Variants in PKHD1 observed in about 807,000 individuals in gnomAD.
PKHD1 encodes PKHD1 ciliary IPT domain containing fibrocystin/polyductin, also known as fibrocystin.
In PKHD1, 291 loss-of-function variants were observed where a neutral mutation model predicts 412.0. The observed-to-expected ratio is 0.71, with a 90% confidence interval of 0.64 to 0.78. The LOEUF (loss-of-function observed/expected upper bound fraction) is 0.78, where lower values mean the gene tolerates loss of function less well. PKHD1 is among the 30% of genes least tolerant of loss of function. The pLI is 0.00. For missense variants in PKHD1, 4,825 were observed against 4,950.7 expected (o/e 0.97, Z 0.76); for synonymous variants, 1,777 against 1,821.5 (o/e 0.98, Z 0.62).
At chr6:51,750,460 T>C (rs983961474) in intron 57 of PKHD1, among the ~76,000 whole-genome samples, 1 of 152,160 alleles carries the variant, frequency 6.6e-6, no homozygotes, top group African/African-American at 2.4e-5. Context: ...GTATTATTGT[T>C]ATTTCCTAGG....
Position 52,025,828 on chromosome 6 carries a change from C to T in PKHD1, c.3982G>A (p.Val1328Ile). 1 of 1,614,210 alleles carries T rather than the reference C, an allele frequency of 6.2e-7. No homozygotes were observed. Among genetic ancestry groups the T allele is most frequent in the South Asian group, 1.1e-5 (1 of 91,088 alleles). The stretch of plus-strand genomic sequence containing the variant: ...CAGTTCAGGTTCCCCAGAAGGATGA[C>T]TGAGTTGGAGAGGTTACTTCCTCCC... ...HVGGSNLSNS[V>I]ILLGNLNCDV... The change falls in exon 32 of 67, where the codon GTC (valine) becomes ATC (isoleucine). Residue 1328 changes from valine to isoleucine, a missense_variant. Transcript: ENST00000371117.
intron 60 of PKHD1, among the ~76,000 whole-genome samples, chr6:51,701,248 T>C (rs1779369979): frequency 6.6e-6 from 1 of 152,142 alleles, no homozygotes; most frequent in South Asian, 2.1e-4. Flanking sequence ...TGAGTATCAC[T>C]GGTAATGCCA....
At chr6:51,951,631 A>G (rs1185037510) in intron 36 of PKHD1, among the ~76,000 whole-genome samples, 6 of 152,224 alleles carry the variant, frequency 3.9e-5, no homozygotes, top group Non-Finnish European at 8.8e-5. Flanking sequence ...TTTAAAAATG[A>G]GAATACAGTA....
chr6:52,050,440 A>T, intron 21 of PKHD1, 145 bp from the exon 22 acceptor site: 1 of 843,260 alleles, frequency 1.2e-6, no homozygotes, highest in Non-Finnish European at 2.0e-6. Flanking sequence ...CATAAAGAAC[A>T]CATGGAGAGG....
intron 52 of PKHD1, among the ~76,000 whole-genome samples, chr6:51,810,712 C>T (rs1764562367): frequency 6.6e-6 from 1 of 152,104 alleles, no homozygotes; most frequent in Non-Finnish European, 1.5e-5. Flanking sequence ...ATTTAAGAAG[C>T]CCTTACTCAG....
chr6:51,674,291 C>T (rs578244407), intron 60 of PKHD1, among the ~76,000 whole-genome samples: 52 of 152,186 alleles, frequency 3.4e-4, no homozygotes, highest in South Asian at 1.2e-3. Context: ...CACAGACTAA[C>T]GAGTGTGGTG....
chr6:51,750,375 G>A (rs973423696), intron 57 of PKHD1, among the ~76,000 whole-genome samples: 2 of 152,144 alleles, frequency 1.3e-5, no homozygotes, highest in African/African-American at 4.8e-5. Flanking sequence ...CCAAATGCAA[G>A]CATAAGTCCA....
At chr6:51,674,011 G>C (rs1302108619) in intron 60 of PKHD1, among the ~76,000 whole-genome samples, 1 of 152,186 alleles carries the variant, frequency 6.6e-6, no homozygotes, top group African/African-American at 2.4e-5. Context: ...AGAGATGGTA[G>C]ATAGAGAGTG....
intron 46 of PKHD1, among the ~76,000 whole-genome samples, chr6:51,881,702 T>C (rs941675713): frequency 1.3e-5 from 2 of 152,208 alleles, no homozygotes; most frequent in African/African-American, 4.8e-5. Context: ...TAAACTGCCA[T>C]TCAAGTTTCC....
At chr6:51,894,085 T>A (rs1391795620) in intron 43 of PKHD1, among the ~76,000 whole-genome samples, 1 of 152,160 alleles carries the variant, frequency 6.6e-6, no homozygotes, top group Non-Finnish European at 1.5e-5. Flanking sequence ...TCACACAGGT[T>A]ATGTCTTCTG....
In PKHD1 at chr6:51,906,295, C is replaced by A. The variant is rs1487665643; in HGVS notation, c.6728G>T (p.Gly2243Val). ...GCTVRNSFSRGLSMCGTLGLK... is the reference protein window; with the variant it reads ...GCTVRNSFSRVLSMCGTLGLK... Reference sequence around the variant, plus strand: ...GCCCAAGGTCCCGCACATGCTGAGGCCTCTACTGAAGGAGTTCCTCACTGT... The same window carrying A: ...GCCCAAGGTCCCGCACATGCTGAGGACTCTACTGAAGGAGTTCCTCACTGT... Residue 2243 changes from glycine (G) to valine (V), a missense_variant, in exon 41 of 67, where the codon GGC becomes GTC. By Grantham distance (109) the Gly-to-Val change is moderately radical. Transcript: ENST00000371117. 1 of 1,609,068 alleles carries A rather than the reference C, an allele frequency of 6.2e-7. No homozygotes were observed. Among genetic ancestry groups the A allele is most frequent in the South Asian group, 1.1e-5 (1 of 90,974 alleles).
chr6:51,747,682 T>C, intron 58 of PKHD1, 105 bp downstream of exon 58: 1 of 986,878 alleles, frequency 1.0e-6, no homozygotes, highest in Non-Finnish European at 1.6e-6. Context: ...CAGCAAGCAC[T>C]AGACCACAAT....
chr6:52,066,088 T>TG lies in PKHD1; in HGVS notation c.779-12_779-11insC. The TG allele has an allele frequency of 2.1e-6, 2 of 959,066 alleles. No individual in the cohort carries two copies. The highest frequency in any genetic ancestry group is 1.4e-5 in the South Asian group (1 of 72,196). The allele number at this position is 959,066 out of a possible 1,614,324, so 59.4% of individuals were successfully genotyped here. On this transcript the variant is annotated splice_polypyrimidine_tract_variant and intron_variant, in intron 11 of 66. Coordinates refer to ENST00000371117, the MANE Select transcript of PKHD1 (RefSeq NM_138694.4). ...ACACAGATAATATTTCTGCAAGAGT[T>TG]AAAAAAAAAAAAAAGTAAGCTTCCA... is the stretch of plus-strand genomic sequence containing the variant.
chr6:51,670,398 T>C (rs946938974), intron 60 of PKHD1, among the ~76,000 whole-genome samples: 3 of 151,802 alleles, frequency 2.0e-5, no homozygotes, highest in African/African-American at 7.3e-5. Context: ...TCCATTTGCT[T>C]GGTAGATCTT....
chr6:51,872,020 A>G lies in PKHD1; in HGVS notation c.7351-1381T>C, dbSNP rs201010775. Among the ~76,000 whole-genome samples, 2 of 149,612 alleles carry G rather than the reference A, an allele frequency of 1.3e-5. 1 individual carries two copies. Among genetic ancestry groups the G allele is most frequent in the Middle Eastern group, 6.8e-3 (2 of 292 alleles). On this transcript the variant is annotated intron_variant, in intron 46 of 66. Coordinates refer to ENST00000371117, the MANE Select transcript of PKHD1 (RefSeq NM_138694.4). ...CTAAAATATTATTTTTAGAAAAAAA[A>G]GGAAATAGGAGAGTAGAAAAAAGGA...
chr6:51,927,020 C>A (rs1327615159), intron 37 of PKHD1, among the ~76,000 whole-genome samples: 1 of 152,058 alleles, frequency 6.6e-6, no homozygotes, highest in Non-Finnish European at 1.5e-5. Context: ...CCACAACATG[C>A]CAGCTGACCA....
intron 61 of PKHD1, among the ~76,000 whole-genome samples, chr6:51,654,066 G>A (rs1238683460): frequency 6.6e-6 from 1 of 152,086 alleles, no homozygotes; most frequent in Non-Finnish European, 1.5e-5. Context: ...TTGCACAGGA[G>A]TTTTAGAATA....
intron 60 of PKHD1, among the ~76,000 whole-genome samples, chr6:51,719,000 C>T (rs947507605): frequency 6.6e-6 from 1 of 151,836 alleles, no homozygotes; most frequent in Non-Finnish European, 1.5e-5. Context: ...GAATATAGTC[C>T]ACACAGGCTT....
chr6:51,691,197 T>C (rs962839901), intron 60 of PKHD1, among the ~76,000 whole-genome samples: 1 of 152,026 alleles, frequency 6.6e-6, no homozygotes, highest in African/African-American at 2.4e-5. Flanking sequence ...AATGCTTATA[T>C]ATTGTTGGTG....
Sources: allele counts gnomAD v4.1 joint callset (sites outside exome capture counted in the v4.1 genomes callset), GRCh38; gene constraint gnomAD v4.1.1; transcripts MANE v1.5; gene names NCBI Gene and HGNC (gene_info 2026-07-23, HGNC 2026-07-21).